Variants in TUT4 observed in about 807,000 individuals in gnomAD.
The protein encoded by TUT4 is terminal uridylyl transferase 4.
Under a neutral mutation model 192.2 loss-of-function variants are expected in TUT4, and 36 were observed. That is an observed-to-expected ratio of 0.19 (90% CI 0.14 to 0.25). TUT4 has a LOEUF of 0.25. Ranked by LOEUF, TUT4 falls within the 10% of genes least tolerant of loss-of-function variation. The pLI is 1.00. For missense variants in TUT4, 1,493 were observed against 1,957.2 expected, an observed-to-expected ratio of 0.76 and a Z score of 4.47; for synonymous variants, 618 against 666.0, an observed-to-expected ratio of 0.93 and a Z score of 1.11.
chr1:52,449,552 G>A (rs1233305570), intron 20 of TUT4, among the ~76,000 whole-genome samples: 2 of 152,012 alleles, frequency 1.3e-5, no homozygotes, highest in Non-Finnish European at 2.9e-5. Context: ...TACCCCCCTC[G>A]GCCGCCCAAA....
At chr1:52,428,002 A>G (rs1650544123) in intron 28 of TUT4, among the ~76,000 whole-genome samples, 1 of 152,212 alleles carries the variant, frequency 6.6e-6, no homozygotes, top group Admixed American at 6.5e-5. Context: ...AGAGGTACAC[A>G]TTAAATGATG....
At chr1:52,487,637 C>G (rs1335835871) in intron 9 of TUT4, among the ~76,000 whole-genome samples, 9 of 152,026 alleles carry the variant, frequency 5.9e-5, no homozygotes, top group Admixed American at 2.0e-4. Context: ...GGCACAGTGC[C>G]TCACACCCAT....
intron 13 of TUT4, among the ~76,000 whole-genome samples, chr1:52,473,936 G>T (rs1255532995): frequency 6.6e-6 from 1 of 152,194 alleles, no homozygotes; most frequent in Non-Finnish European, 1.5e-5. Context: ...GCCAGGTGCA[G>T]TAGCTCACAT....
intron 1 of TUT4, among the ~76,000 whole-genome samples, chr1:52,540,972 G>A (rs1357192035): frequency 3.3e-5 from 5 of 151,044 alleles, no homozygotes; most frequent in East Asian, 2.0e-4. Context: ...TTAGTAGGCC[G>A]AGGCAGGCAG....
intron 1 of TUT4, among the ~76,000 whole-genome samples, chr1:52,539,252 T>C (rs1332368625): frequency 2.6e-5 from 4 of 152,168 alleles, no homozygotes; most frequent in Non-Finnish European, 4.4e-5. Context: ...GAGTTGAATA[T>C]CACTAGAAGA....
intron 4 of TUT4, among the ~76,000 whole-genome samples, chr1:52,502,802 T>C (rs1674520947): frequency 6.6e-6 from 1 of 151,990 alleles, no homozygotes; most frequent in Admixed American, 6.6e-5. Flanking sequence ...TTTTGTATTA[T>C]TGGTAGAGAT....
intron 20 of TUT4, among the ~76,000 whole-genome samples, chr1:52,455,375 G>C (rs1436361730): frequency 1.3e-5 from 2 of 151,980 alleles, no homozygotes; most frequent in Non-Finnish European, 2.9e-5. Flanking sequence ...AACACTTTGA[G>C]AGGCCGAGGT....
At chr1:52,464,175 T>C (rs538933341) in intron 16 of TUT4, among the ~76,000 whole-genome samples, 7 of 152,328 alleles carry the variant, frequency 4.6e-5, no homozygotes, top group Admixed American at 1.3e-4. Flanking sequence ...TAAAAGTGTA[T>C]ACTGGGAACT....
chr1:52,545,258 T>C (rs974054858), intron 1 of TUT4, among the ~76,000 whole-genome samples: 5 of 150,884 alleles, frequency 3.3e-5, no homozygotes, highest in Admixed American at 1.3e-4. Flanking sequence ...GCGCCTGTAA[T>C]CCCAGCTACT....
chr1:52,460,647 T>C (rs1662293551), intron 19 of TUT4, among the ~76,000 whole-genome samples: 3 of 152,284 alleles, frequency 2.0e-5, no homozygotes, highest in Non-Finnish European at 4.4e-5. Context: ...GGCACTACAA[T>C]GAACTAGAGA....
intron 20 of TUT4, among the ~76,000 whole-genome samples, chr1:52,452,664 G>C (rs1231225159): frequency 6.6e-6 from 1 of 152,202 alleles, no homozygotes; most frequent in Non-Finnish European, 1.5e-5. Context: ...GGTATGCCCT[G>C]ATAGGGCATG....
chr1:52,525,276 GTA>G (rs1427779041), intron 2 of TUT4, among the ~76,000 whole-genome samples: 1 of 152,072 alleles, frequency 6.6e-6, no homozygotes, highest in Non-Finnish European at 1.5e-5. Flanking sequence ...ACAAGAGTGT[GTA>G]TGTGTACGAG....
intron 4 of TUT4, among the ~76,000 whole-genome samples, chr1:52,497,983 C>T (rs1035780671): frequency 4.6e-5 from 7 of 152,124 alleles, no homozygotes; most frequent in African/African-American, 7.2e-5. Context: ...TGAAACATGA[C>T]GCTCCCATCA....
Position 52,488,991 on chromosome 1 carries a change from A to G in TUT4, c.1433T>C (p.Leu478Pro), listed in dbSNP as rs758349660. 3 of 1,613,830 alleles carry G rather than the reference A, an allele frequency of 1.9e-6. No individual in the cohort carries two copies. The Admixed American group carries it at 5.0e-5, about 27-fold the overall frequency. The change falls in exon 9 of 30, where the codon CTC becomes CCC. Residue 478 changes from leucine (L) to proline (P), a missense_variant. Around this residue, in one of 7 missense-constraint regions of TUT4, gnomAD observed 437 missense variants for 577.6 expected, o/e 0.76. Transcript: ENST00000257177. Reference sequence around the variant, plus strand: ...AAGGGCAGTAAGTAAATCAGTAGTGAGACATGCCATATCGTTTCCTGCACT... The same window carrying G: ...AAGGGCAGTAAGTAAATCAGTAGTGGGACATGCCATATCGTTTCCTGCACT... ...RVSAGNDMAC[L>P]TTDLLTALGK...
intron 19 of TUT4, 31 bp downstream of exon 19, chr1:52,461,103 C>A (rs770973932): frequency 6.7e-6 from 10 of 1,490,562 alleles, no homozygotes; most frequent in Non-Finnish European, 8.2e-6. Flanking sequence ...TTATCATGAA[C>A]AAAGCAGATC....
In TUT4 at chr1:52,423,969, C is replaced by G; in HGVS notation, c.4904G>C (p.Cys1635Ser). 1.2e-6 allele frequency: 2 copies of G among 1,613,124 alleles called. No individual in the cohort carries two copies. Among genetic ancestry groups the G allele is most frequent in the Non-Finnish European group, 1.7e-6 (2 of 1,179,624 alleles). The change falls in exon 30 of 30, where the codon TGT becomes TCT. Residue 1635 changes from cysteine (C) to serine (S), a missense_variant. Around this residue, in one of 7 missense-constraint regions of TUT4, gnomAD observed 351 missense variants for 397.8 expected, o/e 0.88. Coordinates refer to ENST00000257177, the MANE Select transcript of TUT4 (RefSeq NM_001009881.3). ...RCATRRCRER[C>S]PHPPRGNVSE ...CACGTTTCCTCTTGGTGGGTGGGGA[C>G]AACGCTCTCTACACCGACGGGTGGC...
intron 1 of TUT4, among the ~76,000 whole-genome samples, chr1:52,544,858 G>A (rs908782023): frequency 6.7e-6 from 1 of 149,842 alleles, no homozygotes; most frequent in Non-Finnish European, 1.5e-5. Flanking sequence ...GGAGTTCAAG[G>A]CCAGCCTATG....
intron 24 of TUT4, among the ~76,000 whole-genome samples, chr1:52,442,880 T>C (rs1656094919): frequency 6.6e-6 from 1 of 152,176 alleles, no homozygotes; most frequent in African/African-American, 2.4e-5. Flanking sequence ...GATTTTGACA[T>C]CTATATGTAA....
intron 2 of TUT4, among the ~76,000 whole-genome samples, chr1:52,520,823 G>A (rs1479440257): frequency 6.6e-6 from 1 of 150,962 alleles, no homozygotes; most frequent in Non-Finnish European, 1.5e-5. Flanking sequence ...ATGGAGTTTC[G>A]CTCTTGGTGT....
Sources: gnomAD v4.1 joint callset for allele counts (sites outside exome capture counted in the v4.1 genomes callset) on GRCh38, gnomAD v4.1.1 for gene constraint, gnomAD v4.1.1 regional missense constraint, MANE v1.5 for transcripts, NCBI Gene and HGNC (gene_info 2026-07-23, HGNC 2026-07-21) for gene names.